The following QTMAN variants were observed in gnomAD, a reference collection of about 807,000 sequenced individuals.
The protein encoded by QTMAN is tRNA-queuosine alpha-mannosyltransferase.
chr2:144,162,794 G>C, the QTMAN span, among the ~76,000 whole-genome samples: 2 of 152,270 alleles, frequency 1.3e-5, no homozygotes, highest in Admixed American at 1.3e-4. Context: ...CAACGAGCAG[G>C]TGTGCATCTG....
the QTMAN span, among the ~76,000 whole-genome samples, chr2:144,156,374 T>C: frequency 2.6e-5 from 4 of 152,094 alleles, no homozygotes; most frequent in Admixed American, 2.0e-4. Flanking sequence ...AACTGTACTA[T>C]GTACAGTAGG....
At chr2:144,163,951 G>C in the QTMAN span, among the ~76,000 whole-genome samples, 3 of 151,974 alleles carry the variant, frequency 2.0e-5, no homozygotes, top group Middle Eastern at 3.4e-3. Context: ...TTGAGACAGA[G>C]TATTGCTCTG....
At chr2:144,212,400 T>G in the QTMAN span, among the ~76,000 whole-genome samples, 1 of 152,108 alleles carries the variant, frequency 6.6e-6, no homozygotes, top group African/African-American at 2.4e-5. Flanking sequence ...AGGCAGAGGT[T>G]GCAGTGAGCC....
the QTMAN span, among the ~76,000 whole-genome samples, chr2:144,273,503 T>C: frequency 6.6e-6 from 1 of 152,006 alleles, no homozygotes; most frequent in Non-Finnish European, 1.5e-5. Flanking sequence ...CTGACCATTA[T>C]CCCAGGACTC....
chr2:144,105,181 T>C, the QTMAN span, among the ~76,000 whole-genome samples: 1 of 151,186 alleles, frequency 6.6e-6, no homozygotes, highest in African/African-American at 2.4e-5. Flanking sequence ...AGCTGAAAAT[T>C]CTAAAAATCA....
At chr2:144,151,480 G>C in the QTMAN span, among the ~76,000 whole-genome samples, 2 of 152,166 alleles carry the variant, frequency 1.3e-5, no homozygotes, top group Non-Finnish European at 2.9e-5. Context: ...ATGAGTGGAA[G>C]AAGACAGCAA....
At chr2:144,091,096 C>A in the QTMAN span, among the ~76,000 whole-genome samples, 1 of 151,700 alleles carries the variant, frequency 6.6e-6, no homozygotes, top group African/African-American at 2.4e-5. Context: ...TAAGTAGAGG[C>A]GACTAGCCTG....
the QTMAN span, among the ~76,000 whole-genome samples, chr2:144,304,801 CTTTA>C: frequency 6.6e-6 from 1 of 152,044 alleles, no homozygotes; most frequent in African/African-American, 2.4e-5. Context: ...TAAATATAAA[CTTTA>C]TTTATAATTT....
the QTMAN span, among the ~76,000 whole-genome samples, chr2:143,977,660 C>A: frequency 6.6e-6 from 1 of 151,990 alleles, no homozygotes; most frequent in Non-Finnish European, 1.5e-5. Context: ...CAGCAATGGC[C>A]CATGAGGAAT....
chr2:144,168,887 CATT>C, the QTMAN span, among the ~76,000 whole-genome samples: 2 of 151,960 alleles, frequency 1.3e-5, no homozygotes, highest in Non-Finnish European at 1.5e-5. Flanking sequence ...GAAACTTCAT[CATT>C]AAGTAAAAAA....
At chr2:144,284,687 TTAAC>T in the QTMAN span, among the ~76,000 whole-genome samples, 1 of 152,174 alleles carries the variant, frequency 6.6e-6, no homozygotes, top group African/African-American at 2.4e-5. Context: ...TTAAAGTACC[TTAAC>T]TAACTGTTCA....
chr2:144,176,219 T>A, the QTMAN span, among the ~76,000 whole-genome samples: 2 of 152,150 alleles, frequency 1.3e-5, no homozygotes, highest in African/African-American at 4.8e-5. Context: ...AATAAAACAA[T>A]TTATAAATTT....
At chr2:144,175,279 C>T in the QTMAN span, among the ~76,000 whole-genome samples, 1 of 152,094 alleles carries the variant, frequency 6.6e-6, no homozygotes, top group Non-Finnish European at 1.5e-5. Flanking sequence ...CTAATAGATA[C>T]TACCTCAAGC....
the QTMAN span, among the ~76,000 whole-genome samples, chr2:144,215,265 T>A: frequency 3.4e-5 from 5 of 148,432 alleles, no homozygotes; most frequent in Non-Finnish European, 5.9e-5. Flanking sequence ...AAAAAAAATA[T>A]ATATATATAC....
chr2:144,030,752 T>C, the QTMAN span, among the ~76,000 whole-genome samples: 5,498 of 152,242 alleles, frequency 0.036, 144 homozygotes, highest in East Asian at 0.078. Context: ...GAGAAAGATA[T>C]GCAATTGGAA....
chr2:144,286,456 G>A, the QTMAN span, among the ~76,000 whole-genome samples: 1 of 152,124 alleles, frequency 6.6e-6, no homozygotes, highest in African/African-American at 2.4e-5. Flanking sequence ...AGCTTATAAT[G>A]CCTTTGACTT....
At chr2:144,025,191 G>C in the QTMAN span, among the ~76,000 whole-genome samples, 2 of 152,118 alleles carry the variant, frequency 1.3e-5, no homozygotes, top group Admixed American at 1.3e-4. Context: ...TAAGAAAAGG[G>C]TAGAGACTGG....
the QTMAN span, among the ~76,000 whole-genome samples, chr2:144,201,230 T>A: frequency 6.6e-6 from 1 of 152,192 alleles, no homozygotes; most frequent in African/African-American, 2.4e-5. Context: ...GACGAAACTT[T>A]AGCTGACTTG....
the QTMAN span, among the ~76,000 whole-genome samples, chr2:144,054,967 C>T: frequency 1.1e-4 from 17 of 151,884 alleles, 1 homozygote; most frequent in Non-Finnish European, 2.5e-4. Context: ...ACTCTGGGGG[C>T]TGTTGTTTAA....
Sources: allele counts gnomAD v4.1 joint callset (sites outside exome capture counted in the v4.1 genomes callset), GRCh38; gene constraint gnomAD v4.1.1; transcripts MANE v1.5; gene names NCBI Gene and HGNC (gene_info 2026-07-23, HGNC 2026-07-21).